RASAL2: variants seen among roughly 807,000 people sequenced by gnomAD.
The protein encoded by RASAL2 is ras GTPase-activating protein nGAP.
A neutral mutation model predicts 128.9 loss-of-function variants in RASAL2; 58 were observed. The ratio of observed to expected loss-of-function variants is 0.45; its 90% confidence interval spans 0.36 to 0.56. The LOEUF is 0.56. Ranked by LOEUF, RASAL2 falls within the 20% of genes least tolerant of loss-of-function variation. The probability of loss-of-function intolerance (pLI) is 0.00; values close to 1 mark genes in which losing one functional copy is unlikely to be tolerated. For missense variants in RASAL2, 1,360 were observed against 1,601.6 expected (o/e 0.85, Z 2.57); for synonymous variants, 561 against 580.8 (o/e 0.97, Z 0.49).
intron 1 of RASAL2, among the ~76,000 whole-genome samples, chr1:178,223,235 G>T (rs1393589254): frequency 6.6e-6 from 1 of 152,152 alleles, no homozygotes; most frequent in Non-Finnish European, 1.5e-5. Flanking sequence ...GGTAAAACAG[G>T]CATTGATTGA....
At chr1:178,150,233 C>T (rs1660866205) in intron 1 of RASAL2, among the ~76,000 whole-genome samples, 1 of 152,030 alleles carries the variant, frequency 6.6e-6, no homozygotes, top group Non-Finnish European at 1.5e-5. Context: ...CTCACTTTGT[C>T]ATCCAGGCTG....
intron 14 of RASAL2, among the ~76,000 whole-genome samples, chr1:178,459,939 T>C (rs548621084): frequency 1.3e-5 from 2 of 152,200 alleles, no homozygotes; most frequent in African/African-American, 4.8e-5. Context: ...TATATAAATG[T>C]GTATGTGTAT....
intron 14 of RASAL2, among the ~76,000 whole-genome samples, chr1:178,462,395 T>C (rs1678264422): frequency 6.6e-6 from 1 of 152,164 alleles, no homozygotes; most frequent in Non-Finnish European, 1.5e-5. Flanking sequence ...TCAGTATCAT[T>C]TAAAAGAACT....
At chr1:178,428,992 A>T (rs1279893265) in intron 5 of RASAL2, among the ~76,000 whole-genome samples, 1 of 152,092 alleles carries the variant, frequency 6.6e-6, no homozygotes, top group Admixed American at 6.6e-5. Flanking sequence ...GCCTTCCATA[A>T]TGCTCACTGA....
chr1:178,301,229 ATC>A (rs1390116306), intron 3 of RASAL2, among the ~76,000 whole-genome samples: 1 of 152,094 alleles, frequency 6.6e-6, no homozygotes, highest in African/African-American at 2.4e-5. Flanking sequence ...TTTTTCTCTC[ATC>A]TTATTTCCAC....
chr1:178,284,772 G>A (rs1050429327), intron 2 of RASAL2, among the ~76,000 whole-genome samples: 7 of 152,018 alleles, frequency 4.6e-5, no homozygotes, highest in Non-Finnish European at 1.0e-4. Context: ...ACAAAGAAGA[G>A]GAATAATGAA....
At chr1:178,296,162 T>G (rs566915163) in intron 2 of RASAL2, among the ~76,000 whole-genome samples, 1 of 90,846 alleles carries the variant, frequency 1.1e-5, no homozygotes, top group South Asian at 2.6e-4. Context: ...TGTATATATA[T>G]GTGTGTGTGT....
At chr1:178,197,555 G>A (rs949253188) in intron 1 of RASAL2, among the ~76,000 whole-genome samples, 4 of 150,246 alleles carry the variant, frequency 2.7e-5, no homozygotes, top group Non-Finnish European at 4.4e-5. Flanking sequence ...GCTGCAGTGA[G>A]CCAAGATTGT....
At chr1:178,215,129 A>G (rs1319507863) in intron 1 of RASAL2, among the ~76,000 whole-genome samples, 2 of 152,222 alleles carry the variant, frequency 1.3e-5, no homozygotes, top group East Asian at 1.9e-4. Context: ...TCCAACTGAT[A>G]TATAGCAGGC....
In RASAL2 at chr1:178,420,504, C is replaced by T. The variant is rs1408917511; in HGVS notation, c.565-7C>T. Reference sequence around the variant, plus strand: ...TCTCTCCCATCACCTTCTGCCTTTCCTTCTAGGGATTCTTCAGCAAGCGCC... The same window carrying T: ...TCTCTCCCATCACCTTCTGCCTTTCTTTCTAGGGATTCTTCAGCAAGCGCC... On this transcript the variant is annotated splice_region_variant and splice_polypyrimidine_tract_variant and intron_variant, in intron 4 of 17. Transcript: ENST00000367649. 1.3e-6 allele frequency: 2 copies of T among 1,595,024 alleles called. No homozygotes were observed. Among genetic ancestry groups the T allele is most frequent in the African/African-American group, 2.7e-5 (2 of 74,430 alleles).
At chr1:178,246,119 T>C (rs916635144) in intron 1 of RASAL2, among the ~76,000 whole-genome samples, 12 of 152,364 alleles carry the variant, frequency 7.9e-5, no homozygotes, top group Non-Finnish European at 1.6e-4. Context: ...CAGTGGTAAC[T>C]TGATAGGAAT....
In RASAL2 at chr1:178,188,116, T is replaced by C. The variant is rs188423822; in HGVS notation, c.202+93422T>C. Among the ~76,000 whole-genome samples the C allele has an allele frequency of 1.3e-3, 201 of 152,292 alleles. 2 individuals are homozygous for C. The highest frequency in any genetic ancestry group is 6.9e-3 in the Admixed American group (106 of 15,288). On this transcript the variant is annotated intron_variant, in intron 1 of 17. Transcript: ENST00000367649. ...ATCTCCCTAGCAGTTTTCTTTGCCT[T>C]CAGTCATGAAGTTTAATCCTACTTA...
intron 1 of RASAL2, among the ~76,000 whole-genome samples, chr1:178,244,700 A>G (rs1187671180): frequency 6.6e-6 from 1 of 152,104 alleles, no homozygotes; most frequent in Non-Finnish European, 1.5e-5. Context: ...TGCGTTAGAT[A>G]TTTGTCCTAA....
intron 9 of RASAL2, 80 bp downstream of exon 9, chr1:178,445,742 C>A (rs1041700190): frequency 9.3e-6 from 13 of 1,403,406 alleles, no homozygotes; most frequent in Non-Finnish European, 1.2e-5. Flanking sequence ...ACGAATTGAG[C>A]TCAAATTCTG....
At chr1:178,406,787 G>A (rs1344989604) in intron 4 of RASAL2, among the ~76,000 whole-genome samples, 3 of 151,520 alleles carry the variant, frequency 2.0e-5, no homozygotes, top group Non-Finnish European at 4.4e-5. Flanking sequence ...GTTTTAACAT[G>A]TTATAATGTA....
At chr1:178,116,179 A>T (rs927782612) in intron 1 of RASAL2, among the ~76,000 whole-genome samples, 2 of 152,026 alleles carry the variant, frequency 1.3e-5, no homozygotes, top group African/African-American at 4.8e-5. Context: ...CCTTTTCTGA[A>T]TTTCTATTAA....
chr1:178,323,761 T>C (rs1029310151), intron 3 of RASAL2, among the ~76,000 whole-genome samples: 3 of 152,208 alleles, frequency 2.0e-5, no homozygotes, highest in African/African-American at 7.2e-5. Context: ...AAATGAAGTA[T>C]CTTAATGAAA....
rs145018022 is a variant in RASAL2 at position 178,433,633 on chromosome 1, C to T, written c.675-5789C>T. Among the ~76,000 whole-genome samples, 122 of 152,118 alleles carry T rather than the reference C, an allele frequency of 8.0e-4. 1 individual carries two copies. Among genetic ancestry groups the T allele is most frequent in the African/African-American group, 1.4e-3 (58 of 41,526 alleles). On this transcript the variant is annotated intron_variant, in intron 5 of 17. Coordinates refer to ENST00000367649, the MANE Select transcript of RASAL2 (RefSeq NM_170692.4). ...AGGAATTACTAAAAAGTCAGTGTTG[C>T]CAAGCATGTTGGCTCACACCTGTAA...
chr1:178,221,486 T>A (rs577622564), intron 1 of RASAL2, among the ~76,000 whole-genome samples: 1 of 152,294 alleles, frequency 6.6e-6, no homozygotes, highest in African/African-American at 2.4e-5. Flanking sequence ...TAGTTTGCAA[T>A]ATATTTAAAT....
Sources: gnomAD v4.1 joint callset for allele counts (sites outside exome capture counted in the v4.1 genomes callset) on GRCh38, gnomAD v4.1.1 for gene constraint, MANE v1.5 for transcripts, NCBI Gene and HGNC (gene_info 2026-07-23, HGNC 2026-07-21) for gene names.